SLC49A4: variants seen among roughly 807,000 people sequenced by gnomAD.
The protein encoded by SLC49A4 is solute carrier family 49 member 4.
Under a neutral mutation model 50.6 loss-of-function variants are expected in SLC49A4, and 36 were observed. The observed-to-expected ratio is 0.71, with a 90% confidence interval of 0.55 to 0.94. SLC49A4 has a LOEUF of 0.94. SLC49A4 is among the 40% of genes least tolerant of loss of function. The pLI is 0.00. For missense variants in SLC49A4, 503 were observed against 605.7 expected, an observed-to-expected ratio of 0.83 and a Z score of 1.78; for synonymous variants, 248 against 241.2, an observed-to-expected ratio of 1.03 and a Z score of -0.26.
At chr3:122,832,419 T>G in intron 3 of SLC49A4, among the ~76,000 whole-genome samples, 1 of 152,182 alleles carries the variant, frequency 6.6e-6, no homozygotes, top group East Asian at 1.9e-4. Context: ...TACTTCTGAT[T>G]GTTTAATACT....
At chr3:122,814,451 G>A (rs1385148379) in intron 2 of SLC49A4, among the ~76,000 whole-genome samples, 2 of 152,192 alleles carry the variant, frequency 1.3e-5, no homozygotes, top group Non-Finnish European at 2.9e-5. Context: ...AGTAACATGA[G>A]CATTTTTGAA....
At chr3:122,823,298 T>C (rs1178071679) in intron 2 of SLC49A4, among the ~76,000 whole-genome samples, 3 of 152,326 alleles carry the variant, frequency 2.0e-5, no homozygotes, top group East Asian at 3.9e-4. Context: ...GGAGCTTAGA[T>C]GGAGTTGGAC....
At chr3:122,804,107 T>C (rs372181581) in intron 1 of SLC49A4, among the ~76,000 whole-genome samples, 16 of 152,272 alleles carry the variant, frequency 1.1e-4, no homozygotes, top group African/African-American at 3.6e-4. Flanking sequence ...ACAGGAAACA[T>C]GGTGCTGGCA....
intron 5 of SLC49A4, among the ~76,000 whole-genome samples, chr3:122,852,268 C>T (rs931806556): frequency 5.3e-5 from 8 of 152,044 alleles, no homozygotes; most frequent in African/African-American, 1.4e-4. Context: ...CTGGGATTAA[C>T]GGCATGAGCC....
intron 4 of SLC49A4, 54 bp from the exon 5 acceptor site, chr3:122,845,709 T>G: frequency 9.5e-7 from 1 of 1,057,616 alleles, no homozygotes; most frequent in South Asian, 2.0e-5. Context: ...CATGACTAAG[T>G]TTATTCTAGA....
intron 4 of SLC49A4, among the ~76,000 whole-genome samples, chr3:122,836,407 T>C (rs1936687504): frequency 1.3e-5 from 2 of 152,210 alleles, no homozygotes; most frequent in South Asian, 2.1e-4. Context: ...CAGTATTTTA[T>C]TGAGGATTTT....
chr3:122,842,724 T>C (rs1034637486), intron 4 of SLC49A4, among the ~76,000 whole-genome samples: 42 of 152,162 alleles, frequency 2.8e-4, no homozygotes. Context: ...TACTTCTAAT[T>C]ACCCTAGAGT....
chr3:122,835,599 G>A (rs1485263830), intron 4 of SLC49A4, among the ~76,000 whole-genome samples: 1 of 151,880 alleles, frequency 6.6e-6, no homozygotes, highest in South Asian at 2.1e-4. Flanking sequence ...GGCATAGAAG[G>A]GACATACTTC....
intron 2 of SLC49A4, among the ~76,000 whole-genome samples, chr3:122,819,254 A>AT (rs1936418910): frequency 6.6e-6 from 1 of 151,926 alleles, no homozygotes; most frequent in Non-Finnish European, 1.5e-5. Flanking sequence ...AAAAAAAAAA[A>AT]AAAAAAAAAA....
intron 2 of SLC49A4, among the ~76,000 whole-genome samples, chr3:122,823,672 T>A (rs1326224393): frequency 6.6e-6 from 1 of 152,242 alleles, no homozygotes; most frequent in African/African-American, 2.4e-5. Flanking sequence ...TTAAAGAGGT[T>A]ATGGTAATGT....
At chr3:122,838,878 G>GA (rs931687459) in intron 4 of SLC49A4, among the ~76,000 whole-genome samples, 24 of 150,778 alleles carry the variant, frequency 1.6e-4, no homozygotes, top group Admixed American at 1.1e-3. Flanking sequence ...CATAGAATTA[G>GA]AAAAAAAAAT....
At chr3:122,830,353 A>G (rs916048034) in intron 3 of SLC49A4, among the ~76,000 whole-genome samples, 7 of 152,226 alleles carry the variant, frequency 4.6e-5, no homozygotes, top group African/African-American at 1.4e-4. Flanking sequence ...GACCAGCAAT[A>G]TCCAAAACAA....
intron 1 of SLC49A4, among the ~76,000 whole-genome samples, chr3:122,802,348 G>A (rs1029257731): frequency 1.3e-5 from 2 of 152,136 alleles, no homozygotes; most frequent in African/African-American, 4.8e-5. Context: ...TGAGGAGACG[G>A]AGGTGAGAAT....
At chr3:122,825,793 A>G (rs986020517) in intron 2 of SLC49A4, among the ~76,000 whole-genome samples, 4 of 151,972 alleles carry the variant, frequency 2.6e-5, no homozygotes, top group African/African-American at 9.7e-5. Flanking sequence ...TTTCTTGTCT[A>G]TGCTTTCTTT....
At chr3:122,819,836 T>C (rs1006978782) in intron 2 of SLC49A4, among the ~76,000 whole-genome samples, 1 of 145,448 alleles carries the variant, frequency 6.9e-6, no homozygotes, top group Non-Finnish European at 1.5e-5. Context: ...TTTTTTAAAG[T>C]TTTTTTTTTT....
chr3:122,802,228 A>G (rs926444580), intron 1 of SLC49A4, among the ~76,000 whole-genome samples: 4 of 152,210 alleles, frequency 2.6e-5, no homozygotes, highest in Non-Finnish European at 5.9e-5. Flanking sequence ...CAGGCAGGGC[A>G]GGACAGGGCA....
intron 7 of SLC49A4, among the ~76,000 whole-genome samples, chr3:122,871,659 T>G (rs528310923): frequency 6.6e-6 from 1 of 152,270 alleles, no homozygotes; most frequent in Non-Finnish European, 1.5e-5. Flanking sequence ...GTTTTCACCT[T>G]CAAGTTAAAA....
chr3:122,829,519 G>A (rs996289133), intron 3 of SLC49A4, among the ~76,000 whole-genome samples: 2 of 152,170 alleles, frequency 1.3e-5, no homozygotes, highest in East Asian at 1.9e-4. Context: ...GTGGGAGGCC[G>A]ACAAGGGAGG....
rs1937311263 is a variant in SLC49A4 at position 122,879,778 on chromosome 3, G to T, written c.*400G>T. 6.5e-6 allele frequency: 1 copy of T among 154,996 alleles called. No individual in the cohort carries two copies. Among genetic ancestry groups the T allele is most frequent in the South Asian group, 2.0e-4 (1 of 4,926 alleles). 9.6% of individuals were successfully genotyped at this position (154,996 alleles called of 1,614,324 possible). A position where few individuals can be genotyped will look rare whatever the true frequency, so the allele number is the denominator to read the frequency against. ...TTCCCTAAGTCACATATCAGAATAG[G>T]AAGATATGCCACTAACTTCTAAAGA... On this transcript the variant is annotated 3_prime_UTR_variant, in exon 9 of 9. Coordinates refer to ENST00000261038, the MANE Select transcript of SLC49A4 (RefSeq NM_032839.3).
Sources: allele counts gnomAD v4.1 joint callset (sites outside exome capture counted in the v4.1 genomes callset), GRCh38; gene constraint gnomAD v4.1.1; transcripts MANE v1.5; gene names NCBI Gene and HGNC (gene_info 2026-07-23, HGNC 2026-07-21).